The following DSCAM variants were observed in gnomAD, a reference collection of about 807,000 sequenced individuals.
The protein encoded by DSCAM is DS cell adhesion molecule, also known as cell adhesion molecule DSCAM.
Under a neutral mutation model 217.7 loss-of-function variants are expected in DSCAM, and 47 were observed. The observed-to-expected ratio is 0.22, with a 90% CI of 0.17 to 0.28. DSCAM has a LOEUF of 0.28. Ranked by LOEUF, DSCAM falls within the 10% of genes least tolerant of loss-of-function variation. The pLI is 1.00. For synonymous variants in DSCAM, 1,056 were observed against 1,015.3 expected (o/e 1.04, Z -0.76); for missense variants, 2,080 against 2,618.3 (o/e 0.79, Z 4.49).
intron 1 of DSCAM, among the ~76,000 whole-genome samples, chr21:40,814,609 G>C (rs1432302898): frequency 6.6e-6 from 1 of 152,186 alleles, no homozygotes; most frequent in Non-Finnish European, 1.5e-5. Context: ...CAAATACATA[G>C]ATCATTGTTG....
chr21:40,236,388 C>T (rs2073079804), intron 11 of DSCAM, among the ~76,000 whole-genome samples: 1 of 152,202 alleles, frequency 6.6e-6, no homozygotes, highest in Non-Finnish European at 1.5e-5. Context: ...GCTTCTGGCT[C>T]TTCTCTATCT....
chr21:40,142,003 A>G (rs2090297373), intron 18 of DSCAM, among the ~76,000 whole-genome samples: 1 of 71,776 alleles, frequency 1.4e-5, no homozygotes, highest in Non-Finnish European at 3.8e-5. Flanking sequence ...CACACACGAT[A>G]AAGAACAAGG....
At chr21:40,606,582 C>T (rs564879490) in intron 3 of DSCAM, among the ~76,000 whole-genome samples, 2 of 152,274 alleles carry the variant, frequency 1.3e-5, no homozygotes, top group Admixed American at 6.5e-5. Flanking sequence ...TTTTACCAAA[C>T]GGGTGCATGG....
chr21:40,441,232 T>C (rs942230458), intron 3 of DSCAM, among the ~76,000 whole-genome samples: 2 of 152,122 alleles, frequency 1.3e-5, no homozygotes, highest in Non-Finnish European at 1.5e-5. Flanking sequence ...AAGGAAGACA[T>C]GACCCAAGAA....
chr21:40,066,072 A>G (rs2089202162), intron 27 of DSCAM, among the ~76,000 whole-genome samples: 1 of 152,004 alleles, frequency 6.6e-6, no homozygotes, highest in Non-Finnish European at 1.5e-5. Context: ...TGCTCCGTGT[A>G]CCCTCCCATG....
At chr21:40,294,423 T>G (rs2073930610) in intron 10 of DSCAM, among the ~76,000 whole-genome samples, 1 of 152,168 alleles carries the variant, frequency 6.6e-6, no homozygotes, top group African/African-American at 2.4e-5. Flanking sequence ...TTAAAAAAAA[T>G]GTTATCTAGT....
chr21:40,307,099 A>G (rs1227140920), intron 9 of DSCAM, among the ~76,000 whole-genome samples: 2 of 152,166 alleles, frequency 1.3e-5, no homozygotes, highest in African/African-American at 4.8e-5. Flanking sequence ...TAATTAAACT[A>G]AAGAGCTTCT....
intron 3 of DSCAM, among the ~76,000 whole-genome samples, chr21:40,465,724 A>C (rs1464358753): frequency 2.0e-5 from 3 of 152,134 alleles, no homozygotes; most frequent in African/African-American, 7.2e-5. Context: ...TCTTCTTCCA[A>C]TGTTCCCCAG....
chr21:40,558,460 A>T (rs1237034798), intron 3 of DSCAM, among the ~76,000 whole-genome samples: 1 of 151,710 alleles, frequency 6.6e-6, no homozygotes, highest in African/African-American at 2.4e-5. Context: ...AAAGAAAAAA[A>T]AAAAAATTAT....
chr21:40,846,597 C>A (rs755991279), intron 1 of DSCAM, 22 bp downstream of exon 1: 8 of 1,161,278 alleles, frequency 6.9e-6, no homozygotes, highest in South Asian at 1.9e-5. Context: ...AAACGAAATT[C>A]ATCACAAACC....
chr21:40,639,595 A>C (rs1403600755), intron 3 of DSCAM, among the ~76,000 whole-genome samples: 1 of 152,190 alleles, frequency 6.6e-6, no homozygotes, highest in Admixed American at 6.6e-5. Context: ...TTAATATTTA[A>C]AATGGTATCT....
intron 3 of DSCAM, among the ~76,000 whole-genome samples, chr21:40,593,934 C>A (rs187152640): frequency 1.3e-5 from 2 of 152,124 alleles, no homozygotes; most frequent in Admixed American, 6.5e-5. Flanking sequence ...AGGTTTTAAT[C>A]GACTCCTATG....
intron 11 of DSCAM, among the ~76,000 whole-genome samples, chr21:40,247,250 A>G (rs2073238818): frequency 6.6e-6 from 1 of 152,128 alleles, no homozygotes; most frequent in African/African-American, 2.4e-5. Context: ...CCAAAATCTC[A>G]TGTCCTCACA....
At chr21:40,426,169 C>A (rs143692400) in intron 3 of DSCAM, among the ~76,000 whole-genome samples, 1 of 152,218 alleles carries the variant, frequency 6.6e-6, no homozygotes, top group Non-Finnish European at 1.5e-5. Context: ...GCACAATTGT[C>A]AGGGGCTTGT....
intron 3 of DSCAM, among the ~76,000 whole-genome samples, chr21:40,673,436 C>G (rs761148310): frequency 7.2e-5 from 11 of 152,092 alleles, no homozygotes; most frequent in South Asian, 2.1e-4. Context: ...CATATTTAAC[C>G]CTGAATTGTT....
At chr21:40,453,094 G>T (rs991627864) in intron 3 of DSCAM, among the ~76,000 whole-genome samples, 12 of 132,404 alleles carry the variant, frequency 9.1e-5, no homozygotes, top group African/African-American at 2.1e-4. Context: ...GTGTGTGTGA[G>T]ATATATGTGT....
At position 40,063,055 on chromosome 21, in the gene DSCAM, C is replaced by A. The variant is rs545599197; in HGVS notation, c.4889-156G>T. 8.5e-5 allele frequency among the ~76,000 whole-genome samples: 13 copies of A among 152,276 alleles called. No homozygotes were observed. The South Asian group carries it at 2.7e-3, about 32-fold the overall frequency. On this transcript the variant is annotated intron_variant, in intron 27 of 32. Coordinates refer to ENST00000400454, the MANE Select transcript of DSCAM (RefSeq NM_001389.5). The stretch of plus-strand genomic sequence containing the variant: ...CTAATGACCTAGAGTTTCATGGAGT[C>A]CTTATTTCTTCTAAATGGGACTTTT...
intron 9 of DSCAM, among the ~76,000 whole-genome samples, chr21:40,298,227 C>T (rs73369889): frequency 0.087 from 13,246 of 151,680 alleles, 1,401 homozygotes; most frequent in East Asian, 0.26. Context: ...ATTACAGGTG[C>T]CTGCCATCAC....
At chr21:40,392,123 A>T (rs1183880112) in intron 3 of DSCAM, among the ~76,000 whole-genome samples, 1 of 152,152 alleles carries the variant, frequency 6.6e-6, no homozygotes. Flanking sequence ...GGCATCCAAC[A>T]CACATCTTAA....
Sources: gnomAD v4.1 joint callset for allele counts (sites outside exome capture counted in the v4.1 genomes callset) on GRCh38, gnomAD v4.1.1 for gene constraint, MANE v1.5 for transcripts, NCBI Gene and HGNC (gene_info 2026-07-23, HGNC 2026-07-21) for gene names.